Variants in PTPN20 observed in about 807,000 individuals in gnomAD.
The protein encoded by PTPN20 is tyrosine-protein phosphatase non-receptor type 20.
In PTPN20, 9 loss-of-function variants were observed where a neutral mutation model predicts 35.0. The ratio of observed to expected loss-of-function variants is 0.26; its 90% CI spans 0.15 to 0.45. The LOEUF (loss-of-function observed/expected upper bound fraction) is 0.45, where lower values mean the gene tolerates loss of function less well. Ranked by LOEUF, PTPN20 falls within the 20% of genes least tolerant of loss-of-function variation. The pLI is 1.00. For synonymous variants in PTPN20, 32 were observed against 100.2 expected (o/e 0.32, Z 4.06); for missense variants, 111 against 312.5 (o/e 0.36, Z 4.86).
chr10:46,997,275 A>G (rs1002407911), intron 9 of PTPN20, among the ~76,000 whole-genome samples: 2 of 151,848 alleles, frequency 1.3e-5, no homozygotes, highest in African/African-American at 4.8e-5. Flanking sequence ...ATTCATTGCT[A>G]GTACGTAGAA....
At chr10:46,975,881 G>A (rs1402468743) in intron 7 of PTPN20, among the ~76,000 whole-genome samples, 70 of 151,114 alleles carry the variant, frequency 4.6e-4, no homozygotes, top group African/African-American at 1.6e-3. Context: ...GGCTGGTCTC[G>A]AACTCCTGAC....
At chr10:46,941,091 A>G (rs2043341014) in intron 3 of PTPN20, among the ~76,000 whole-genome samples, 1 of 150,848 alleles carries the variant, frequency 6.6e-6, no homozygotes, top group Non-Finnish European at 1.5e-5. Flanking sequence ...GGCTGTGAAA[A>G]GTCTGTGACA....
chr10:46,932,141 T>G (rs575416335), intron 1 of PTPN20, among the ~76,000 whole-genome samples: 3 of 151,104 alleles, frequency 2.0e-5, no homozygotes, highest in Non-Finnish European at 4.4e-5. Context: ...TTCACATATT[T>G]ATTTGTGGAA....
At chr10:46,933,533 A>G (rs1555122139) in intron 2 of PTPN20, among the ~76,000 whole-genome samples, 1 of 142,588 alleles carries the variant, frequency 7.0e-6, no homozygotes, top group Admixed American at 6.9e-5. Flanking sequence ...TTCCATCTGT[A>G]AGTCAGATTA....
chr10:46,988,617 T>C (rs2057273697), intron 9 of PTPN20, among the ~76,000 whole-genome samples: 3 of 150,782 alleles, frequency 2.0e-5, no homozygotes, highest in Admixed American at 2.0e-4. Context: ...GCAGTATTTA[T>C]CTTTCTGTGC....
intron 4 of PTPN20, among the ~76,000 whole-genome samples, chr10:46,945,483 T>G (rs2044468996): frequency 6.6e-6 from 1 of 152,174 alleles, no homozygotes; most frequent in East Asian, 1.9e-4. Context: ...AAGCATACAG[T>G]GCATGTAGGA....
intron 7 of PTPN20, among the ~76,000 whole-genome samples, chr10:46,979,004 C>T (rs1326090264): frequency 6.6e-6 from 1 of 151,908 alleles, no homozygotes; most frequent in East Asian, 2.0e-4. Context: ...CAGAGAATCA[C>T]AACCAGTCAA....
intron 9 of PTPN20, among the ~76,000 whole-genome samples, chr10:46,988,714 T>C (rs1250703194): frequency 6.6e-6 from 1 of 152,078 alleles, no homozygotes; most frequent in Non-Finnish European, 1.5e-5. Context: ...TATGGCTGCA[T>C]AGTATTCCAT....
At chr10:46,979,148 G>T (rs2054572140) in intron 7 of PTPN20, among the ~76,000 whole-genome samples, 3 of 149,574 alleles carry the variant, frequency 2.0e-5, no homozygotes, top group Admixed American at 1.3e-4. Flanking sequence ...TTTTGCCAGG[G>T]TGACTGTACA....
chr10:46,950,836 A>G (rs1177827599), intron 5 of PTPN20, among the ~76,000 whole-genome samples: 524 of 152,084 alleles, frequency 3.4e-3, no homozygotes, highest in Non-Finnish European at 5.8e-3. Flanking sequence ...ATAAAAATTG[A>G]TGTGTGCTCT....
intron 9 of PTPN20, among the ~76,000 whole-genome samples, chr10:46,994,688 A>G (rs1218007123): frequency 2.6e-5 from 4 of 152,016 alleles, no homozygotes; most frequent in Non-Finnish European, 1.5e-5. Flanking sequence ...AAGTTTTGTT[A>G]TTATTTCTTT....
chr10:46,955,077 T>C (rs2048067096), intron 5 of PTPN20: 1 of 151,086 alleles, frequency 6.6e-6, no homozygotes, highest in African/African-American at 2.5e-5. Context: ...ATGCAAATAC[T>C]ATGCTATTTT....
intron 1 of PTPN20, among the ~76,000 whole-genome samples, chr10:46,928,367 A>C (rs2038385017): frequency 6.6e-6 from 1 of 151,538 alleles, no homozygotes; most frequent in African/African-American, 2.4e-5. Flanking sequence ...ATTGAAGTAC[A>C]TTATCTTTTT....
At chr10:46,955,740 G>GA (rs1185381506) in intron 5 of PTPN20, among the ~76,000 whole-genome samples, 216 of 56,988 alleles carry the variant, frequency 3.8e-3, no homozygotes, top group Non-Finnish European at 4.8e-3. Context: ...TTAATCATGA[G>GA]AAAAAATTAG....
At chr10:46,992,742 A>T (rs2058234147) in intron 9 of PTPN20, among the ~76,000 whole-genome samples, 1 of 152,182 alleles carries the variant, frequency 6.6e-6, no homozygotes, top group Non-Finnish European at 1.5e-5. Context: ...CAATTTAGTT[A>T]AGAACAATTT....
intron 1 of PTPN20, among the ~76,000 whole-genome samples, chr10:46,925,495 TTGCTGCTGC>T (rs1183970748): frequency 1.6e-4 from 23 of 147,098 alleles, no homozygotes; most frequent in African/African-American, 5.1e-4. Context: ...TGAGGAGAAC[TTGCTGCTGC>T]TGCTGCTGCT....
At chr10:46,935,960 T>A (rs1555125465) in intron 2 of PTPN20, among the ~76,000 whole-genome samples, 1 of 150,982 alleles carries the variant, frequency 6.6e-6, no homozygotes, top group Non-Finnish European at 1.5e-5. Context: ...CACAAACATT[T>A]TTTTTTTAAT....
intron 9 of PTPN20, among the ~76,000 whole-genome samples, chr10:46,993,332 C>T (rs1006753328): frequency 2.0e-5 from 3 of 152,198 alleles, no homozygotes; most frequent in Non-Finnish European, 2.9e-5. Context: ...TGGGGCAGCT[C>T]GAGCCAAAGA....
At chr10:46,976,806 T>G in intron 7 of PTPN20, among the ~76,000 whole-genome samples, 1 of 144,734 alleles carries the variant, frequency 6.9e-6, no homozygotes, top group Middle Eastern at 3.4e-3. Context: ...CTTTTCTCGT[T>G]ACTTCTTTTA....
Sources: gnomAD v4.1 joint callset for allele counts (sites outside exome capture counted in the v4.1 genomes callset) on GRCh38, gnomAD v4.1.1 for gene constraint, MANE v1.5 for transcripts, NCBI Gene and HGNC (gene_info 2026-07-23, HGNC 2026-07-21) for gene names.